The following RERE variants were observed in gnomAD, a reference collection of about 807,000 sequenced individuals.
RERE encodes arginine-glutamic acid dipeptide repeats protein.
RERE carries 40 observed loss-of-function variants against 146.1 expected under a neutral mutation model. That is an observed-to-expected ratio of 0.27 (90% CI 0.21 to 0.36). RERE has a LOEUF of 0.36. RERE is among the 10% of genes least tolerant of loss of function. The pLI is 1.00. For synonymous variants in RERE, 1,003 were observed against 866.0 expected (o/e 1.16, Z -2.78); for missense variants, 1,933 against 2,138.7 (o/e 0.90, Z 1.90).
intron 7 of RERE, among the ~76,000 whole-genome samples, chr1:8,520,627 C>T (rs955865638): frequency 2.6e-5 from 4 of 151,926 alleles, no homozygotes; most frequent in African/African-American, 7.3e-5. Context: ...TATCTGGCAA[C>T]GTCATAAAAC....
chr1:8,591,780 C>T (rs368639156), intron 4 of RERE, among the ~76,000 whole-genome samples: 1 of 152,226 alleles, frequency 6.6e-6, no homozygotes, highest in African/African-American at 2.4e-5. Flanking sequence ...ATGCTTCCTT[C>T]GCAGTTCACA....
intron 11 of RERE, among the ~76,000 whole-genome samples, chr1:8,458,859 A>T (rs1282464576): frequency 6.6e-6 from 1 of 152,262 alleles, no homozygotes; most frequent in Non-Finnish European, 1.5e-5. Flanking sequence ...GGCGACTTCT[A>T]CTGACATGAA....
intron 12 of RERE, among the ~76,000 whole-genome samples, chr1:8,369,415 A>C (rs1448958339): frequency 6.7e-6 from 1 of 149,576 alleles, no homozygotes; most frequent in African/African-American, 2.4e-5. Flanking sequence ...AAGAAGAAGT[A>C]GTCCAGAACA....
At chr1:8,490,837 G>A (rs1335980702) in intron 10 of RERE, among the ~76,000 whole-genome samples, 4 of 150,556 alleles carry the variant, frequency 2.7e-5, no homozygotes, top group Non-Finnish European at 5.9e-5. Flanking sequence ...GCAACTTTTG[G>A]GGGTGTTGGA....
At chr1:8,807,958 C>T (rs1376284448) in intron 1 of RERE, among the ~76,000 whole-genome samples, 1 of 152,006 alleles carries the variant, frequency 6.6e-6, no homozygotes, top group Admixed American at 6.6e-5. Flanking sequence ...TTCTAATTTC[C>T]TACTTGCCAT....
In RERE at chr1:8,656,889, G is replaced by A. The variant is rs528074761; in HGVS notation, c.-144-448C>T. ...AGCATTTTGAGAGGCCAAGCCAGAA[G>A]GACCACTTGAAGCCAGGAGTTCAAG... On this transcript the variant is annotated intron_variant, in intron 1 of 22. Coordinates refer to ENST00000400908, the MANE Select transcript of RERE (RefSeq NM_001042681.2). Among the ~76,000 whole-genome samples the A allele has an allele frequency of 2.6e-5, 4 of 152,278 alleles. No homozygotes were observed. In the East Asian group the frequency reaches 7.7e-4, roughly 29 times the overall value.
intron 1 of RERE, among the ~76,000 whole-genome samples, chr1:8,788,328 G>A (rs1432026077): frequency 6.7e-6 from 1 of 149,856 alleles, no homozygotes; most frequent in Admixed American, 6.7e-5. Context: ...TGTTAATAAT[G>A]ACTACATAGA....
chr1:8,586,522 T>G (rs1041158440), intron 4 of RERE, among the ~76,000 whole-genome samples: 1 of 152,198 alleles, frequency 6.6e-6, no homozygotes, highest in Non-Finnish European at 1.5e-5. Context: ...TCACCTGTAT[T>G]CTGCTTAGAA....
In RERE at chr1:8,614,541, A is replaced by C; in HGVS notation, c.522+20T>G. The C allele has an allele frequency of 2.5e-6, 4 of 1,601,142 alleles. No individual in the cohort carries two copies. Among genetic ancestry groups the C allele is most frequent in the Non-Finnish European group, 3.4e-6 (4 of 1,175,116 alleles). ...GGGATATAAAATACTGATAGCTTTT[A>C]AAAACGGGATTCTCCTTACCCCTAC... On this transcript the variant is annotated intron_variant, in intron 4 of 22. Transcript: ENST00000400908.
Position 8,525,713 on chromosome 1 carries a change from G to A in RERE, c.830+15501C>T, listed in dbSNP as rs369459762. 4.4e-5 allele frequency: 69 copies of A among 1,556,230 alleles called. No homozygotes were observed. In the Middle Eastern group the frequency reaches 5.1e-4, roughly 11 times the overall value. On this transcript the variant is annotated intron_variant, in intron 7 of 22. Transcript: ENST00000400908. ...ACACCTTCAGAAGTGAGAAAGAGCA[G>A]CAAAACCCATCACTGTTTCGGTGAG...
rs1186832596 is a variant in RERE at position 8,805,008 on chromosome 1, G to GTTTTTTTTTTTTTTTTTTTTTT, written c.-145+12151_-145+12152insAAAAAAAAAAAAAAAAAAAAAA. Among the ~76,000 whole-genome samples the GTTTTTTTTTTTTTTTTTTTTTT allele has an allele frequency of 2.1e-4, 16 of 77,860 alleles. 1 individual carries two copies. The highest frequency in any genetic ancestry group is 3.1e-4 in the African/African-American group (6 of 19,524). 51.1% of individuals were successfully genotyped at this position (77,860 alleles called of 152,430 possible). A position where few individuals can be genotyped will look rare whatever the true frequency, so the allele number is the denominator to read the frequency against. ...TTTTTTTTGTTTTGTTTTGTTTTTGGTTTTTTTTTTTTTTTTTTTTGAGAC... is the reference window on the plus strand; with the variant it reads ...TTTTTTTTGTTTTGTTTTGTTTTTGGTTTTTTTTTTTTTTTTTTTTTTTTTTTTTTTTTTTTTTTTTTGAGAC... On this transcript the variant is annotated intron_variant, in intron 1 of 22. Coordinates refer to ENST00000400908, the MANE Select transcript of RERE (RefSeq NM_001042681.2).
chr1:8,685,672 T>A (rs1570607031), intron 1 of RERE, among the ~76,000 whole-genome samples: 1 of 152,330 alleles, frequency 6.6e-6, no homozygotes, highest in South Asian at 2.1e-4. Context: ...TGTGACTGCT[T>A]TAGAGATGCC....
intron 1 of RERE, among the ~76,000 whole-genome samples, chr1:8,813,098 C>T (rs1641843777): frequency 6.6e-6 from 1 of 152,116 alleles, no homozygotes; most frequent in Non-Finnish European, 1.5e-5. Flanking sequence ...TATGATTCAA[C>T]AATCACTTAA....
At chr1:8,551,242 A>G (rs145003885) in intron 6 of RERE, among the ~76,000 whole-genome samples, 29 of 152,350 alleles carry the variant, frequency 1.9e-4, no homozygotes, top group African/African-American at 6.5e-4. Flanking sequence ...TCAATACTGG[A>G]GAATGCACTG....
chr1:8,585,533 C>A (rs1000554420), intron 4 of RERE, among the ~76,000 whole-genome samples: 1 of 152,116 alleles, frequency 6.6e-6, no homozygotes. Flanking sequence ...TGCTGCAAGA[C>A]ATGTACAAGA....
At chr1:8,651,882 T>C (rs867197435) in intron 2 of RERE, among the ~76,000 whole-genome samples, 1 of 152,152 alleles carries the variant, frequency 6.6e-6, no homozygotes, top group African/African-American at 2.4e-5. Flanking sequence ...TATAATGGCA[T>C]GTAGTTCACT....
At chr1:8,501,911 CAGCCGCCCCG>C in intron 8 of RERE, among the ~76,000 whole-genome samples, 1 of 99,172 alleles carries the variant, frequency 1.0e-5, no homozygotes. Flanking sequence ...CCCGCCCGGC[CAGCCGCCCCG>C]TCCGGGAGGG....
At chr1:8,642,529 C>G (rs1485563010) in intron 2 of RERE, among the ~76,000 whole-genome samples, 1 of 152,082 alleles carries the variant, frequency 6.6e-6, no homozygotes, top group East Asian at 1.9e-4. Context: ...TGTTAATAGA[C>G]TTTTTAAAAA....
At chr1:8,531,051 A>T (rs575293664) in intron 7 of RERE, among the ~76,000 whole-genome samples, 1 of 149,976 alleles carries the variant, frequency 6.7e-6, no homozygotes, top group African/African-American at 2.5e-5. Flanking sequence ...CTATCTATCT[A>T]TCTATCTATC....
Sources: gnomAD v4.1 joint callset for allele counts (sites outside exome capture counted in the v4.1 genomes callset) on GRCh38, gnomAD v4.1.1 for gene constraint, MANE v1.5 for transcripts, NCBI Gene and HGNC (gene_info 2026-07-23, HGNC 2026-07-21) for gene names.